Variants in RBFOX1 observed in about 807,000 individuals in gnomAD.
The protein encoded by RBFOX1 is RNA binding fox-1 homolog 1.
A neutral mutation model predicts 57.7 loss-of-function variants in RBFOX1; 8 were observed. The observed-to-expected ratio is 0.14, with a 90% CI of 0.08 to 0.25. The LOEUF is 0.25. Ranked by LOEUF, RBFOX1 falls within the 10% of genes least tolerant of loss-of-function variation. The probability of loss-of-function intolerance (pLI) is 1.00; values close to 1 mark genes in which losing one functional copy is unlikely to be tolerated. For missense variants in RBFOX1, 611 were observed against 548.5 expected, an observed-to-expected ratio of 1.11 and a Z score of -1.14; for synonymous variants, 326 against 222.4, an observed-to-expected ratio of 1.47 and a Z score of -4.15.
chr16:6,107,190 C>A (rs770912936), intron 1 of RBFOX1, among the ~76,000 whole-genome samples: 1 of 152,066 alleles, frequency 6.6e-6, no homozygotes, highest in East Asian at 1.9e-4. Context: ...TTGGTTTCTT[C>A]TGGGTCCCCA....
chr16:7,564,867 T>G (rs2091303367), intron 5 of RBFOX1, among the ~76,000 whole-genome samples: 1 of 152,148 alleles, frequency 6.6e-6, no homozygotes, highest in Non-Finnish European at 1.5e-5. Flanking sequence ...CCAGCCCTTC[T>G]CCTTTCAGAG....
intron 2 of RBFOX1, among the ~76,000 whole-genome samples, chr16:6,450,096 G>A (rs1227041854): frequency 3.3e-5 from 5 of 152,180 alleles, no homozygotes; most frequent in Non-Finnish European, 7.4e-5. Context: ...CTTTGAGGAG[G>A]TGGTGGGGAT....
chr16:6,171,492 T>A (rs561415355), intron 1 of RBFOX1, among the ~76,000 whole-genome samples: 11 of 152,172 alleles, frequency 7.2e-5, no homozygotes, highest in Admixed American at 2.6e-4. Flanking sequence ...TTAGACACAT[T>A]CCTGGAGTTT....
At chr16:7,700,568 C>T (rs937824485) in intron 14 of RBFOX1, among the ~76,000 whole-genome samples, 1 of 152,084 alleles carries the variant, frequency 6.6e-6, no homozygotes, top group East Asian at 1.9e-4. Flanking sequence ...GATTTCAAAG[C>T]ACAATAAAAA....
chr16:5,902,785 C>T (rs1350453455), intron 4 of RBFOX1, among the ~76,000 whole-genome samples: 1 of 151,942 alleles, frequency 6.6e-6, no homozygotes, highest in Middle Eastern at 3.4e-3. Context: ...TTTTTGATTC[C>T]AAGCGCCTTG....
intron 3 of RBFOX1, among the ~76,000 whole-genome samples, chr16:6,701,304 C>T (rs766091164): frequency 6.6e-5 from 10 of 152,212 alleles, no homozygotes; most frequent in Non-Finnish European, 1.2e-4. Context: ...CTGTGGCTGC[C>T]TGCTGACGTC....
chr16:7,461,062 C>G (rs2059492711), intron 4 of RBFOX1, among the ~76,000 whole-genome samples: 1 of 152,122 alleles, frequency 6.6e-6, no homozygotes, highest in African/African-American at 2.4e-5. Flanking sequence ...AGATAATTAT[C>G]TTTTGTTTAG....
intron 2 of RBFOX1, among the ~76,000 whole-genome samples, chr16:6,397,096 G>C (rs2092870446): frequency 1.3e-5 from 2 of 152,100 alleles, no homozygotes; most frequent in Admixed American, 6.6e-5. Flanking sequence ...TAGGTACTTG[G>C]AGTCCCAGAA....
intron 3 of RBFOX1, among the ~76,000 whole-genome samples, chr16:5,735,414 T>C (rs1020337879): frequency 6.6e-5 from 10 of 152,236 alleles, no homozygotes; most frequent in African/African-American, 2.2e-4. Context: ...CCTGGTTGCC[T>C]TGGCATTAGC....
At chr16:7,130,893 A>G (rs1288999118) in intron 4 of RBFOX1, among the ~76,000 whole-genome samples, 1 of 152,166 alleles carries the variant, frequency 6.6e-6, no homozygotes, top group African/African-American at 2.4e-5. Context: ...ATGAGGCGAC[A>G]GTGACACAGC....
At chr16:7,307,593 T>C (rs2096220514) in intron 4 of RBFOX1, among the ~76,000 whole-genome samples, 1 of 152,220 alleles carries the variant, frequency 6.6e-6, no homozygotes, top group African/African-American at 2.4e-5. Context: ...TCTTTTCTTT[T>C]CTCCTTCTCC....
At chr16:6,898,228 T>G (rs1347498622) in intron 3 of RBFOX1, among the ~76,000 whole-genome samples, 3 of 152,070 alleles carry the variant, frequency 2.0e-5, no homozygotes, top group African/African-American at 7.2e-5. Context: ...GGCCGCCCCT[T>G]TGGCATCAAG....
At chr16:6,237,487 A>G (rs2097513996) in intron 1 of RBFOX1, among the ~76,000 whole-genome samples, 1 of 152,164 alleles carries the variant, frequency 6.6e-6, no homozygotes, top group Non-Finnish European at 1.5e-5. Flanking sequence ...CAGAAAAAGA[A>G]ATACCTGCCT....
intron 14 of RBFOX1, among the ~76,000 whole-genome samples, chr16:7,685,932 C>G (rs2075967205): frequency 6.6e-6 from 1 of 151,998 alleles, no homozygotes; most frequent in African/African-American, 2.4e-5. Context: ...GAGATTTACA[C>G]GTGGGTCCTG....
intron 2 of RBFOX1, among the ~76,000 whole-genome samples, chr16:6,507,796 T>C (rs1017188919): frequency 6.7e-6 from 1 of 150,330 alleles, no homozygotes; most frequent in Non-Finnish European, 1.5e-5. Context: ...GAAAGTAGAG[T>C]GGTGGTTAGC....
chr16:7,358,097 C>A (rs1401935442), intron 4 of RBFOX1, among the ~76,000 whole-genome samples: 2 of 152,186 alleles, frequency 1.3e-5, no homozygotes, highest in African/African-American at 4.8e-5. Flanking sequence ...AGGTAATTTA[C>A]AAGACTTCCA....
At chr16:5,926,212 A>G (rs2058937467) in intron 4 of RBFOX1, among the ~76,000 whole-genome samples, 1 of 152,256 alleles carries the variant, frequency 6.6e-6, no homozygotes, top group Admixed American at 6.5e-5. Context: ...AGATATGCGT[A>G]TAATTACCCA....
intron 3 of RBFOX1, among the ~76,000 whole-genome samples, chr16:5,674,466 G>A (rs534542755): frequency 1.3e-5 from 2 of 152,156 alleles, no homozygotes; most frequent in African/African-American, 2.4e-5. Flanking sequence ...TCAGTCTCAC[G>A]TTTGACTCCA....
chr16:7,339,316 G>C (rs1212856043), intron 4 of RBFOX1, among the ~76,000 whole-genome samples: 1 of 152,188 alleles, frequency 6.6e-6, no homozygotes, highest in African/African-American at 2.4e-5. Flanking sequence ...TGATGTGGTA[G>C]AATAGAACAC....
Sources: allele counts gnomAD v4.1 joint callset (sites outside exome capture counted in the v4.1 genomes callset), GRCh38; gene constraint gnomAD v4.1.1; transcripts MANE v1.5; gene names NCBI Gene and HGNC (gene_info 2026-07-23, HGNC 2026-07-21).